The following KIF3C variants were observed in gnomAD, a reference collection of about 807,000 sequenced individuals.
The protein encoded by KIF3C is kinesin-like protein KIF3C.
In KIF3C, 12 loss-of-function variants were observed where a neutral mutation model predicts 67.7. The ratio of observed to expected loss-of-function variants is 0.18; its 90% CI spans 0.11 to 0.29. The LOEUF (loss-of-function observed/expected upper bound fraction) is 0.29, where lower values mean the gene tolerates loss of function less well. Among genes scored for constraint, KIF3C ranks in the 10% least tolerant of loss-of-function variants. KIF3C has a pLI of 1.00. For missense variants in KIF3C, 789 were observed against 1,059.6 expected, an observed-to-expected ratio of 0.74 and a Z score of 3.55; for synonymous variants, 393 against 426.2, an observed-to-expected ratio of 0.92 and a Z score of 0.96.
chr2:25,934,480 G>A (rs2090488767), intron 5 of KIF3C, among the ~76,000 whole-genome samples: 1 of 152,024 alleles, frequency 6.6e-6, no homozygotes, highest in South Asian at 2.1e-4. Context: ...TAAGGAGGCT[G>A]AGGCAGGAGA....
intron 4 of KIF3C, among the ~76,000 whole-genome samples, chr2:25,953,001 GCTCATGC>G: frequency 6.6e-6 from 1 of 152,168 alleles, no homozygotes; most frequent in South Asian, 2.1e-4. Flanking sequence ...AGGCGAGGTG[GCTCATGC>G]CTGTAATCCC....
In KIF3C at chr2:25,980,754, G is replaced by A; in HGVS notation, c.1164C>T (p.Ala388=). ...TCTTCTCCAGCTGGGCCTTCAGGCG[G>A]GCAATCTCCTCTTGGAATTCCCGCA... ...TLLREFQEEI[A]RLKAQLEKRG... Residue 388 remains alanine (A), a synonymous_variant, in exon 1 of 8, where the codon GCC becomes GCT. Transcript: ENST00000264712. The surrounding 1 kb of genome is among the most constrained non-coding windows in gnomAD (Gnocchi z 7.6). 1.2e-6 allele frequency: 2 copies of A among 1,614,102 alleles called. No homozygotes were observed. Among genetic ancestry groups the A allele is most frequent in the Non-Finnish European group, 1.7e-6 (2 of 1,179,960 alleles).
At chr2:25,954,929 T>C (rs975170459) in intron 3 of KIF3C, among the ~76,000 whole-genome samples, 1 of 152,152 alleles carries the variant, frequency 6.6e-6, no homozygotes, top group East Asian at 1.9e-4. Context: ...GGGTCCGTGG[T>C]AACTGCCACA....
At position 25,980,901 on chromosome 2, in the gene KIF3C, T is replaced by C. The variant is rs186827458; in HGVS notation, c.1017A>G (p.Val339=). Residue 339 remains valine, a synonymous_variant, in exon 1 of 8, where the codon GTA becomes GTG. Transcript: ENST00000264712. This position sits in a 1 kb window ranked among gnomAD's most constrained non-coding sequence, Gnocchi z 7.6. The stretch of plus-strand genomic sequence containing the variant: ...TGTGAGAAGCTGGCCCCAGTGTGGC[T>C]ACCATGATGGTCTTGGCATTCCCCC... ...SLGGNAKTIM[V]ATLGPASHSY... The C allele has an allele frequency of 1.1e-5, 17 of 1,614,218 alleles. No homozygotes were observed. In the Admixed American group the frequency reaches 2.2e-4, roughly 21 times the overall value.
intron 5 of KIF3C, among the ~76,000 whole-genome samples, chr2:25,951,081 T>C (rs1446887262): frequency 2.0e-5 from 3 of 152,116 alleles, no homozygotes; most frequent in Non-Finnish European, 2.9e-5. Flanking sequence ...GGAAGGTGCA[T>C]TGGTGTCCAG....
chr2:25,943,640 T>C (rs1384425892), intron 5 of KIF3C, among the ~76,000 whole-genome samples: 1 of 152,032 alleles, frequency 6.6e-6, no homozygotes, highest in Non-Finnish European at 1.5e-5. Context: ...GGTCGGGAGT[T>C]CGAGACCAGC....
At position 25,954,199 on chromosome 2, in the gene KIF3C, G is replaced by A. The variant is rs1257994427; in HGVS notation, c.1889+68C>T. ...GGAGACAGTCAGGATGAGGCCTTAG[G>A]GGAGGAGAGGCCTGAGTAATGATGG... is the stretch of plus-strand genomic sequence containing the variant. On this transcript the variant is annotated intron_variant, in intron 4 of 7. Coordinates refer to ENST00000264712, the MANE Select transcript of KIF3C (RefSeq NM_002254.8). 5 of 1,112,250 alleles carry A rather than the reference G, an allele frequency of 4.5e-6. No homozygotes were observed. The South Asian group carries it at 5.0e-5, about 11-fold the overall frequency. 68.9% of individuals were successfully genotyped at this position (1,112,250 alleles called of 1,614,324 possible).
At chr2:25,931,074 TA>T (rs1189873548) in intron 5 of KIF3C, among the ~76,000 whole-genome samples, 1 of 152,094 alleles carries the variant, frequency 6.6e-6, no homozygotes, top group Non-Finnish European at 1.5e-5. Flanking sequence ...CACAACAATT[TA>T]AAAAAATTAA....
chr2:25,938,483 A>G, intron 5 of KIF3C: 1 of 310,698 alleles, frequency 3.2e-6, no homozygotes, highest in South Asian at 2.5e-5. Flanking sequence ...GCCAGAACAG[A>G]TGGGCCAGTG....
Position 25,929,923 on chromosome 2 carries a change from C to T in KIF3C, c.2115+32G>A, listed in dbSNP as rs147259279. On this transcript the variant is annotated intron_variant, in intron 6 of 7. Transcript: ENST00000264712. ...GAGACACCTCGCCCGGCCTCCCTCCCGTAGGCTCTTTCTCCCCTCTCCGCT... is the reference window on the plus strand; with the variant it reads ...GAGACACCTCGCCCGGCCTCCCTCCTGTAGGCTCTTTCTCCCCTCTCCGCT... 115 of 1,497,878 alleles carry T rather than the reference C, an allele frequency of 7.7e-5. No homozygotes were observed. In the African/African-American group the frequency reaches 1.1e-3, roughly 14 times the overall value. The allele number at this position is 1,497,878 out of a possible 1,614,324, so 92.8% of individuals were successfully genotyped here. A position where few individuals can be genotyped will look rare whatever the true frequency, so the allele number is the denominator to read the frequency against.
In KIF3C at chr2:25,927,780, T is replaced by C. The variant is rs1248413733; in HGVS notation, c.*1198A>G. On this transcript the variant is annotated 3_prime_UTR_variant, in exon 8 of 8. Coordinates refer to ENST00000264712, the MANE Select transcript of KIF3C (RefSeq NM_002254.8). The stretch of plus-strand genomic sequence containing the variant: ...AAAGCCAGTCAATGAACATTAACCA[T>C]TTTTTTTTGTAGAAATTTACTTATC... 6.6e-6 allele frequency: 1 copy of C among 151,124 alleles called. No homozygotes were observed. Among genetic ancestry groups the C allele is most frequent in the Non-Finnish European group, 1.5e-5 (1 of 67,810 alleles). 9.4% of individuals were successfully genotyped at this position (151,124 alleles called of 1,614,324 possible). A position where few individuals can be genotyped will look rare whatever the true frequency, so the allele number is the denominator to read the frequency against.
At chr2:25,960,945 G>A (rs1261457584) in intron 1 of KIF3C, among the ~76,000 whole-genome samples, 4 of 152,178 alleles carry the variant, frequency 2.6e-5, no homozygotes, top group African/African-American at 9.7e-5. Flanking sequence ...AAAAAAGAAA[G>A]AGAATTAAAA....
chr2:25,936,804 T>C (rs536661013), intron 5 of KIF3C, among the ~76,000 whole-genome samples: 7 of 152,124 alleles, frequency 4.6e-5, no homozygotes, highest in African/African-American at 9.7e-5. Flanking sequence ...ATTTGGTGAG[T>C]GTGATGGATT....
rs1466097634 is a variant in KIF3C at position 25,928,026 on chromosome 2, T to A, written c.*952A>T. 6.6e-6 allele frequency: 1 copy of A among 152,622 alleles called. No homozygotes were observed. The highest frequency in any genetic ancestry group is 2.4e-5 in the African/African-American group (1 of 41,460). 9.5% of individuals were successfully genotyped at this position (152,622 alleles called of 1,614,324 possible). On this transcript the variant is annotated 3_prime_UTR_variant, in exon 8 of 8. Transcript: ENST00000264712. ...GAAGGGAAAAAGCAATAGATGTTAA[T>A]ATCTTCGTTTAGCGAGGGGTAGAAT...
At chr2:25,948,442 C>G (rs2149229715) in intron 5 of KIF3C, among the ~76,000 whole-genome samples, 1 of 147,210 alleles carries the variant, frequency 6.8e-6, no homozygotes, top group East Asian at 2.1e-4. Flanking sequence ...GCCCCAGCTA[C>G]TCAGAAGGCT....
In KIF3C at chr2:25,982,034, T is replaced by C; in HGVS notation, c.-117A>G. 2.5e-6 allele frequency: 2 copies of C among 795,672 alleles called. No individual in the cohort carries two copies. The highest frequency in any genetic ancestry group is 3.9e-6 in the Non-Finnish European group (2 of 516,586). 49.3% of individuals were successfully genotyped at this position (795,672 alleles called of 1,614,324 possible). ...CCAGCCCCCAGGCGCAGCTCTTCAA[T>C]CCGCATGCAGCCTCCTAGGGTGGGG... On this transcript the variant is annotated 5_prime_UTR_variant, in exon 1 of 8. Coordinates refer to ENST00000264712, the MANE Select transcript of KIF3C (RefSeq NM_002254.8).
intron 4 of KIF3C, chr2:25,954,049 C>T (rs1663731161): frequency 1.8e-6 from 1 of 546,372 alleles, no homozygotes; most frequent in Non-Finnish European, 3.3e-6. Flanking sequence ...TTACTTTTGG[C>T]CAGCACCTAG....
intron 5 of KIF3C, among the ~76,000 whole-genome samples, chr2:25,948,578 A>G (rs370023944): frequency 2.6e-4 from 39 of 151,452 alleles, no homozygotes; most frequent in Admixed American, 7.9e-4. Flanking sequence ...TAAGGAAGAA[A>G]ATAAAGAAAG....
At chr2:25,938,357 C>CAA (rs11388254) in intron 5 of KIF3C, 7,419 of 324,378 alleles carry the variant, frequency 0.023, 3 homozygotes, top group Non-Finnish European at 0.031. Context: ...GTCTGAGTCT[C>CAA]AAAAAAAAAA....
Sources: gnomAD v4.1 joint callset for allele counts (sites outside exome capture counted in the v4.1 genomes callset) on GRCh38, gnomAD v4.1.1 for gene constraint, Gnocchi (gnomAD v3.1) non-coding constraint, MANE v1.5 for transcripts, NCBI Gene and HGNC (gene_info 2026-07-23, HGNC 2026-07-21) for gene names.